Variants in PCDHA11 observed in about 807,000 individuals in gnomAD.
PCDHA11 encodes protocadherin alpha 11, also known as protocadherin alpha-11.
A neutral mutation model predicts 70.3 loss-of-function variants in PCDHA11; 61 were observed. The observed-to-expected ratio is 0.87, with a 90% CI of 0.71 to 1.07. The LOEUF is 1.07. Ranked by LOEUF, PCDHA11 falls within the 50% of genes least tolerant of loss-of-function variation. The pLI, the probability that PCDHA11 is intolerant of heterozygous loss-of-function variation, is 0.00. For missense variants in PCDHA11, 1,324 were observed against 1,237.5 expected, an observed-to-expected ratio of 1.07 and a Z score of -1.05; for synonymous variants, 633 against 555.1, an observed-to-expected ratio of 1.14 and a Z score of -1.97.
rs1359152136 is a variant in PCDHA11, at chr5:140,969,072, C to T, written c.2392-9877C>T. 2.1e-5 allele frequency: 34 copies of T among 1,613,982 alleles called. No individual in the cohort carries two copies. The highest frequency in any genetic ancestry group is 5.0e-5 in the Admixed American group (3 of 59,998). On this transcript the variant is annotated intron_variant, in intron 1 of 3. Transcript: ENST00000398640. ...AACAACAATATTGATGCCAGGATACCGCATGGCCTCAAAGTGCAGCCTCAC... is the reference window on the plus strand; with the variant it reads ...AACAACAATATTGATGCCAGGATACTGCATGGCCTCAAAGTGCAGCCTCAC...
chr5:140,912,163 G>T (rs1018826504), intron 1 of PCDHA11, among the ~76,000 whole-genome samples: 4 of 152,092 alleles, frequency 2.6e-5, no homozygotes, highest in African/African-American at 9.7e-5. Context: ...TTTTATTCTG[G>T]CTGTGCTGGC....
intron 1 of PCDHA11, among the ~76,000 whole-genome samples, chr5:140,908,540 G>T (rs1562965244): frequency 6.6e-6 from 1 of 152,150 alleles, no homozygotes; most frequent in African/African-American, 2.4e-5. Flanking sequence ...TTCCACCAAA[G>T]CCCAGTAATA....
At chr5:140,962,759 G>A (rs1554226222) in intron 1 of PCDHA11, among the ~76,000 whole-genome samples, 1 of 152,114 alleles carries the variant, frequency 6.6e-6, no homozygotes, top group Admixed American at 6.5e-5. Flanking sequence ...AATCCTATTC[G>A]TTTTTAACAA....
At chr5:140,989,637 T>C (rs1274152423) in intron 3 of PCDHA11, among the ~76,000 whole-genome samples, 2 of 152,070 alleles carry the variant, frequency 1.3e-5, no homozygotes, top group African/African-American at 4.8e-5. Flanking sequence ...ACAGCAAGGG[T>C]CTTTCATGGC....
chr5:140,965,174 CT>C (rs1213439654), intron 1 of PCDHA11, among the ~76,000 whole-genome samples: 1 of 152,110 alleles, frequency 6.6e-6, no homozygotes, highest in East Asian at 1.9e-4. Context: ...TTAGTGAGTG[CT>C]TTTTTTGCAC....
At chr5:141,008,684 G>C (rs1426948038) in intron 3 of PCDHA11, among the ~76,000 whole-genome samples, 1 of 152,118 alleles carries the variant, frequency 6.6e-6, no homozygotes, top group Admixed American at 6.5e-5. Context: ...TTTAGTTATT[G>C]CATGTATTAA....
chr5:140,926,229 G>A (rs1251523401), intron 1 of PCDHA11: 1 of 152,186 alleles, frequency 6.6e-6, no homozygotes, highest in Non-Finnish European at 1.5e-5. Context: ...AGCCTAGAAG[G>A]TGTGGTCGCT....
At chr5:140,960,265 T>A (rs1380537220) in intron 1 of PCDHA11, among the ~76,000 whole-genome samples, 2 of 152,174 alleles carry the variant, frequency 1.3e-5, no homozygotes, top group African/African-American at 4.8e-5. Context: ...TTCTGATAAA[T>A]TCCGTCACCT....
At chr5:141,005,572 C>G (rs548748234) in intron 3 of PCDHA11, among the ~76,000 whole-genome samples, 59 of 150,976 alleles carry the variant, frequency 3.9e-4, no homozygotes, top group Non-Finnish European at 7.7e-4. Context: ...CATGGTGGCG[C>G]GTGCCTGTAG....
chr5:140,873,464 T>C (rs904556302), intron 1 of PCDHA11, among the ~76,000 whole-genome samples: 1 of 152,214 alleles, frequency 6.6e-6, no homozygotes, highest in Non-Finnish European at 1.5e-5. Context: ...TTTTAGATAA[T>C]TCAAATTACT....
intron 1 of PCDHA11, among the ~76,000 whole-genome samples, chr5:140,894,606 T>C (rs1305424119): frequency 6.6e-6 from 1 of 152,022 alleles, no homozygotes; most frequent in Non-Finnish European, 1.5e-5. Context: ...CTCATCTCTC[T>C]TTTCAAAGCT....
chr5:140,875,675 C>G, intron 1 of PCDHA11: 8 of 1,613,858 alleles, frequency 5.0e-6, no homozygotes, highest in Non-Finnish European at 6.8e-6. Context: ...CGGGTGGCGT[C>G]CAAAAGACAC....
rs1554163384 is a variant in PCDHA11 at position 140,869,729 on chromosome 5, A to T, written c.626A>T (p.Asn209Ile). The T allele has an allele frequency of 1.2e-6, 2 of 1,613,280 alleles. No homozygotes were observed. Among genetic ancestry groups the T allele is most frequent in the Non-Finnish European group, 1.7e-6 (2 of 1,179,862 alleles). ...SLDREKTPELNLLLTATDGGK... is the reference protein window; with the variant it reads ...SLDREKTPELILLLTATDGGK... ...GATAGAGAGAAAACTCCGGAACTTAATTTGCTGCTAACAGCTACAGACGGG... is the reference window on the plus strand; with the variant it reads ...GATAGAGAGAAAACTCCGGAACTTATTTTGCTGCTAACAGCTACAGACGGG... The change falls in exon 1 of 4, where the codon AAT becomes ATT. Residue 209 changes from asparagine (N) to isoleucine (I), a missense_variant. Coordinates refer to ENST00000398640, the MANE Select transcript of PCDHA11 (RefSeq NM_018902.5).
intron 3 of PCDHA11, among the ~76,000 whole-genome samples, chr5:140,985,765 A>G (rs2097169846): frequency 7.8e-6 from 1 of 128,516 alleles, no homozygotes; most frequent in African/African-American, 3.0e-5. Flanking sequence ...TTTTTGAGAC[A>G]GTCTCGCTCT....
intron 1 of PCDHA11, chr5:140,884,448 CCACCGAGGGCGCGTGCGCGCCGGG>C (rs1244657512): frequency 1.9e-6 from 3 of 1,613,716 alleles, no homozygotes; most frequent in Non-Finnish European, 2.5e-6. Context: ...TCGGCACCGC[CCACCGAGGGCGCGTGCGCGCCGGG>C]CAAGCCCACT....
Position 140,869,240 on chromosome 5 carries a change from G to A in PCDHA11, c.137G>A (p.Gly46Asp), listed in dbSNP as rs1262436049. 1 of 1,613,514 alleles carries A rather than the reference G, an allele frequency of 6.2e-7. No homozygotes were observed. Among genetic ancestry groups the A allele is most frequent in the African/African-American group, 1.3e-5 (1 of 74,928 alleles). ...SEEAKHGTFV[G>D]RIAQDLGLEL... ...GAGGCCAAACACGGCACCTTCGTGG[G>A]CCGCATCGCGCAGGACCTGGGGCTG... is the stretch of plus-strand genomic sequence containing the variant. The change falls in exon 1 of 4, where the codon GGC (glycine) becomes GAC (aspartate). Residue 46 changes from glycine (G) to aspartate (D), a missense_variant. By Grantham distance (94) the Gly-to-Asp change is moderately conservative. Transcript: ENST00000398640.
chr5:140,924,293 C>T (rs2081770008), intron 1 of PCDHA11, among the ~76,000 whole-genome samples: 1 of 152,192 alleles, frequency 6.6e-6, no homozygotes, highest in African/African-American at 2.4e-5. Context: ...AATAGGCTGA[C>T]ATGTTTCCTC....
Position 140,870,686 on chromosome 5 carries a change from A to G in PCDHA11, c.1583A>G (p.Glu528Gly), listed in dbSNP as rs2052295402. The G allele has an allele frequency of 1.2e-6, 2 of 1,612,732 alleles. No individual in the cohort carries two copies. The highest frequency in any genetic ancestry group is 2.7e-5 in the African/African-American group (2 of 74,890). Reference sequence around the variant, plus strand: ...CAGCCGTTGGACCACGAGGAGCTGGAGCTGCTACAGTTCCAGGTGAGCGCG... The same window carrying G: ...CAGCCGTTGGACCACGAGGAGCTGGGGCTGCTACAGTTCCAGGTGAGCGCG... The part of the protein sequence containing the change: ...ALQPLDHEEL[E>G]LLQFQVSARD... The change falls in exon 1 of 4, where the codon GAG becomes GGG. Residue 528 changes from glutamate (E) to glycine (G), a missense_variant. Transcript: ENST00000398640.
Position 140,956,653 on chromosome 5 carries a change from G to A in PCDHA11, c.2392-22296G>A, listed in dbSNP as rs146062919. ...TGCCAGGTTTTGGTATCAGGATGAT[G>A]CTGGCCTTAAAGGAGTTAGGGAGGA... On this transcript the variant is annotated intron_variant, in intron 1 of 3. Transcript: ENST00000398640. 5.2e-4 allele frequency among the ~76,000 whole-genome samples: 79 copies of A among 152,240 alleles called. 1 individual carries two copies. The highest frequency in any genetic ancestry group is 1.9e-3 in the African/African-American group (79 of 41,558).
Sources: allele counts gnomAD v4.1 joint callset (sites outside exome capture counted in the v4.1 genomes callset), GRCh38; gene constraint gnomAD v4.1.1; transcripts MANE v1.5; gene names NCBI Gene and HGNC (gene_info 2026-07-23, HGNC 2026-07-21).